FGGY: variants seen among roughly 807,000 people sequenced by gnomAD.
FGGY encodes FGGY carbohydrate kinase domain containing.
In FGGY, 72 loss-of-function variants were observed where a neutral mutation model predicts 71.3. That is an observed-to-expected ratio of 1.01 (90% CI 0.84 to 1.23). FGGY has a LOEUF of 1.23. Ranked by LOEUF, FGGY falls within the 50% of genes most tolerant of loss-of-function variation. The pLI, the probability that FGGY is intolerant of heterozygous loss-of-function variation, is 0.00. For missense variants in FGGY, 668 were observed against 682.3 expected, an observed-to-expected ratio of 0.98 and a Z score of 0.23; for synonymous variants, 251 against 250.3, an observed-to-expected ratio of 1.00 and a Z score of -0.02.
At chr1:59,730,749 G>A (rs1184578794) in intron 14 of FGGY, among the ~76,000 whole-genome samples, 1 of 152,192 alleles carries the variant, frequency 6.6e-6, no homozygotes, top group African/African-American at 2.4e-5. Context: ...CAAGAGGGAG[G>A]TAGAGGTAAA....
chr1:59,533,540 T>A (rs2095222544), intron 7 of FGGY, among the ~76,000 whole-genome samples: 1 of 149,346 alleles, frequency 6.7e-6, no homozygotes, highest in African/African-American at 2.5e-5. Flanking sequence ...GCTCCACCTC[T>A]GGGGGCAGGG....
chr1:59,347,104 T>TTTTTA (rs2052166705), intron 4 of FGGY, among the ~76,000 whole-genome samples: 2 of 151,512 alleles, frequency 1.3e-5, no homozygotes, highest in South Asian at 4.2e-4. Flanking sequence ...CGGTTATTCT[T>TTTTTA]TATTATTATA....
chr1:59,534,208 A>G (rs930956677), intron 7 of FGGY, among the ~76,000 whole-genome samples: 3 of 152,212 alleles, frequency 2.0e-5, no homozygotes, highest in Non-Finnish European at 2.9e-5. Context: ...AGCCGATGCG[A>G]TCACCTAGAA....
intron 14 of FGGY, among the ~76,000 whole-genome samples, chr1:59,715,564 G>GAGTC (rs2097840135): frequency 6.6e-6 from 1 of 152,214 alleles, no homozygotes; most frequent in African/African-American, 2.4e-5. Context: ...ACTGGTTTTA[G>GAGTC]AGTCAGTCAA....
At chr1:59,538,625 A>G (rs1221419879) in intron 7 of FGGY, among the ~76,000 whole-genome samples, 2 of 151,416 alleles carry the variant, frequency 1.3e-5, no homozygotes, top group African/African-American at 4.9e-5. Context: ...CTGGATTAAG[A>G]AAATGTGGCA....
chr1:59,640,561 A>C (rs1187660097), intron 11 of FGGY, among the ~76,000 whole-genome samples: 1 of 152,178 alleles, frequency 6.6e-6, no homozygotes, highest in Non-Finnish European at 1.5e-5. Context: ...GATAATTCCA[A>C]TAAAGCAAGA....
intron 14 of FGGY, among the ~76,000 whole-genome samples, chr1:59,712,355 G>C (rs1049122823): frequency 6.6e-6 from 1 of 152,164 alleles, no homozygotes; most frequent in African/African-American, 2.4e-5. Flanking sequence ...AGCTTTTCCA[G>C]GCGTGCAGTG....
intron 12 of FGGY, among the ~76,000 whole-genome samples, chr1:59,666,110 C>T (rs1269865214): frequency 6.6e-6 from 1 of 152,210 alleles, no homozygotes; most frequent in Non-Finnish European, 1.5e-5. Context: ...GATATTGGCT[C>T]ATGCCTTCTT....
At chr1:59,652,848 G>A (rs890623370) in intron 11 of FGGY, among the ~76,000 whole-genome samples, 1 of 152,188 alleles carries the variant, frequency 6.6e-6, no homozygotes, top group African/African-American at 2.4e-5. Flanking sequence ...AGATTTTCCA[G>A]TTTTTCTGTT....
intron 10 of FGGY, among the ~76,000 whole-genome samples, chr1:59,635,981 C>T (rs2096954943): frequency 6.6e-6 from 1 of 152,196 alleles, no homozygotes; most frequent in Admixed American, 6.5e-5. Flanking sequence ...AGTGGTACCT[C>T]CCCAACTGGG....
intron 10 of FGGY, among the ~76,000 whole-genome samples, chr1:59,631,555 G>A (rs751349491): frequency 3.3e-5 from 5 of 152,186 alleles, no homozygotes; most frequent in Non-Finnish European, 5.9e-5. Context: ...TAGCTGTTTG[G>A]AAGAGTGGAC....
intron 2 of FGGY, 127 bp downstream of exon 2, chr1:59,321,877 C>T (rs531980422): frequency 1.2e-6 from 1 of 869,282 alleles, no homozygotes; most frequent in South Asian, 1.7e-5. Flanking sequence ...ATAGGCCTTG[C>T]CCTTCAGGAG....
At chr1:59,564,362 C>A (rs2095842828) in intron 8 of FGGY, among the ~76,000 whole-genome samples, 1 of 152,176 alleles carries the variant, frequency 6.6e-6, no homozygotes, top group Non-Finnish European at 1.5e-5. Context: ...CACAGAAAAG[C>A]CACCCTTCAG....
intron 1 of FGGY, among the ~76,000 whole-genome samples, chr1:59,302,307 TC>T (rs1223608668): frequency 1.3e-5 from 2 of 152,196 alleles, no homozygotes; most frequent in African/African-American, 4.8e-5. Flanking sequence ...AAGTATTTCT[TC>T]CATTTTGATT....
chr1:59,368,125 T>C (rs796564894), intron 4 of FGGY, among the ~76,000 whole-genome samples: 17 of 152,336 alleles, frequency 1.1e-4, no homozygotes, highest in African/African-American at 4.1e-4. Context: ...GTTTGAACTC[T>C]ATTAGGCCAT....
intron 5 of FGGY, among the ~76,000 whole-genome samples, chr1:59,428,972 A>T (rs999067039): frequency 6.6e-6 from 1 of 152,230 alleles, no homozygotes; most frequent in African/African-American, 2.4e-5. Context: ...AGGAAACCTT[A>T]CCATTCTTTC....
chr1:59,711,856 C>T lies in FGGY; in HGVS notation c.1512+37723C>T, dbSNP rs142085494. On this transcript the variant is annotated intron_variant, in intron 14 of 15. Coordinates refer to ENST00000303721, the MANE Select transcript of FGGY (RefSeq NM_018291.5). ...GGGAATTCAAGATGAGATTTGGATGCGGACACAGCCAAACCATATCATTCC... is the reference window on the plus strand; with the variant it reads ...GGGAATTCAAGATGAGATTTGGATGTGGACACAGCCAAACCATATCATTCC... Among the ~76,000 whole-genome samples the T allele has an allele frequency of 6.0e-3, 920 of 152,248 alleles. 7 individuals are homozygous for T. Among genetic ancestry groups the T allele is most frequent in the African/African-American group, 0.02 (827 of 41,520 alleles).
At chr1:59,590,878 C>G (rs989802564) in intron 8 of FGGY, among the ~76,000 whole-genome samples, 2 of 152,086 alleles carry the variant, frequency 1.3e-5, no homozygotes, top group African/African-American at 4.8e-5. Flanking sequence ...AAAACTGGCA[C>G]AAGACAGGGA....
At chr1:59,694,269 A>AC (rs1407569416) in intron 14 of FGGY, among the ~76,000 whole-genome samples, 3 of 151,566 alleles carry the variant, frequency 2.0e-5, no homozygotes, top group African/African-American at 7.3e-5. Context: ...AGCCTGGGCG[A>AC]CAAAGCAAGA....
Sources: allele counts gnomAD v4.1 joint callset (sites outside exome capture counted in the v4.1 genomes callset), GRCh38; gene constraint gnomAD v4.1.1; transcripts MANE v1.5; gene names NCBI Gene and HGNC (gene_info 2026-07-23, HGNC 2026-07-21).